Variants in SMARCC1 observed in about 807,000 individuals in gnomAD.
SMARCC1 encodes the protein SWI/SNF complex subunit SMARCC1.
In SMARCC1, 43 loss-of-function variants were observed where a neutral mutation model predicts 147.4. The ratio of observed to expected loss-of-function variants is 0.29; its 90% CI spans 0.23 to 0.38. The LOEUF (loss-of-function observed/expected upper bound fraction) is 0.38. SMARCC1 is among the 10% of genes least tolerant of loss of function. The pLI is 1.00. For synonymous variants in SMARCC1, 495 were observed against 484.4 expected (o/e 1.02, Z -0.29); for missense variants, 1,119 against 1,381.1 (o/e 0.81, Z 3.01).
At chr3:47,708,076 T>G in intron 9 of SMARCC1, among the ~76,000 whole-genome samples, 1 of 82,742 alleles carries the variant, frequency 1.2e-5, no homozygotes, top group Non-Finnish European at 2.5e-5. Flanking sequence ...GAAGTTGAAT[T>G]TTTTTTCTTT....
chr3:47,645,466 G>A (rs1479793284), intron 21 of SMARCC1, among the ~76,000 whole-genome samples: 2 of 152,186 alleles, frequency 1.3e-5, no homozygotes, highest in East Asian at 3.8e-4. Flanking sequence ...GATGGCTTGG[G>A]CCTAAGAGTT....
At chr3:47,765,672 A>G (rs1286974166) in intron 2 of SMARCC1, among the ~76,000 whole-genome samples, 1 of 152,126 alleles carries the variant, frequency 6.6e-6, no homozygotes, top group Non-Finnish European at 1.5e-5. Context: ...AAATTCATAC[A>G]ACAGCAGAGT....
At chr3:47,635,422 A>C in intron 23 of SMARCC1, 78 bp from the exon 24 acceptor site, 1 of 1,186,814 alleles carries the variant, frequency 8.4e-7, no homozygotes, top group African/African-American at 1.5e-5. Flanking sequence ...CACCACTATA[A>C]CAAACTAGGA....
intron 25 of SMARCC1, among the ~76,000 whole-genome samples, chr3:47,617,714 G>A (rs757245520): frequency 5.3e-4 from 81 of 152,104 alleles, no homozygotes; most frequent in Non-Finnish European, 1.0e-3. Context: ...CAAAATGAGC[G>A]GGTGGCATTT....
At chr3:47,680,195 C>A in intron 15 of SMARCC1, 2 of 388,692 alleles carry the variant, frequency 5.1e-6, no homozygotes, top group East Asian at 6.3e-5. Context: ...GCACAACAGC[C>A]TGGGCAACAG....
chr3:47,712,981 T>C (rs1369281334), intron 8 of SMARCC1, among the ~76,000 whole-genome samples: 1 of 152,158 alleles, frequency 6.6e-6, no homozygotes, highest in East Asian at 1.9e-4. Context: ...CCTTTACTAT[T>C]AGATGATAGT....
intron 5 of SMARCC1, among the ~76,000 whole-genome samples, chr3:47,735,604 T>C (rs1338480059): frequency 1.3e-5 from 2 of 152,050 alleles, no homozygotes; most frequent in African/African-American, 2.4e-5. Context: ...ACCCCACCTC[T>C]ACGAAAAATA....
chr3:47,680,398 A>T, intron 15 of SMARCC1, 39 bp downstream of exon 15: 1 of 1,425,680 alleles, frequency 7.0e-7, no homozygotes, highest in Non-Finnish European at 9.9e-7. Context: ...CCTACCGCAC[A>T]CAGGCAAATA....
At chr3:47,729,706 ATTAC>A (rs1395758809) in intron 5 of SMARCC1, among the ~76,000 whole-genome samples, 2 of 152,146 alleles carry the variant, frequency 1.3e-5, no homozygotes, top group African/African-American at 4.8e-5. Flanking sequence ...ACTTCTTAAA[ATTAC>A]TTCCAAAGTC....
intron 21 of SMARCC1, among the ~76,000 whole-genome samples, chr3:47,649,978 T>C (rs1240820570): frequency 6.6e-6 from 1 of 152,184 alleles, no homozygotes; most frequent in Non-Finnish European, 1.5e-5. Context: ...GTCTTCAACC[T>C]ACTTTGAAAT....
chr3:47,769,003 A>T, intron 2 of SMARCC1, among the ~76,000 whole-genome samples: 1 of 151,886 alleles, frequency 6.6e-6, no homozygotes, highest in South Asian at 2.1e-4. Flanking sequence ...TGAGGTCAGG[A>T]GTTCAAGACC....
chr3:47,754,885 A>C (rs1366252239), intron 2 of SMARCC1, among the ~76,000 whole-genome samples: 1 of 152,006 alleles, frequency 6.6e-6, no homozygotes, highest in Non-Finnish European at 1.5e-5. Context: ...TCTACTAAAA[A>C]TAGAAAAATT....
chr3:47,589,528 A>G (rs113800429), intron 27 of SMARCC1, among the ~76,000 whole-genome samples: 1 of 152,228 alleles, frequency 6.6e-6, no homozygotes, highest in Non-Finnish European at 1.5e-5. Flanking sequence ...CTTGCCAAGA[A>G]AAAGAGGTAC....
intron 21 of SMARCC1, among the ~76,000 whole-genome samples, chr3:47,660,328 C>A (rs931327769): frequency 6.6e-6 from 1 of 151,560 alleles, no homozygotes; most frequent in African/African-American, 2.4e-5. Flanking sequence ...CGCCTGTAGT[C>A]CCAGCTACTC....
chr3:47,644,981 A>G lies in SMARCC1; in HGVS notation c.2321-6201T>C, dbSNP rs771729483. Among the ~76,000 whole-genome samples, 5 of 152,048 alleles carry G rather than the reference A, an allele frequency of 3.3e-5. No individual in the cohort carries two copies. In the East Asian group the frequency reaches 7.7e-4, roughly 23 times the overall value. ...AGTCAACCCAATCTTGACTTTCTTCACTCTCTCACCTTCCAATAGCAATTA... is the reference window on the plus strand; with the variant it reads ...AGTCAACCCAATCTTGACTTTCTTCGCTCTCTCACCTTCCAATAGCAATTA... On this transcript the variant is annotated intron_variant, in intron 21 of 27. Transcript: ENST00000254480.
intron 18 of SMARCC1, among the ~76,000 whole-genome samples, chr3:47,671,962 T>C (rs1011522550): frequency 6.6e-6 from 1 of 151,794 alleles, no homozygotes; most frequent in Admixed American, 6.6e-5. Flanking sequence ...AAAACAAAAA[T>C]AAAACAACAA....
chr3:47,601,561 T>C (rs2032386532), intron 26 of SMARCC1, among the ~76,000 whole-genome samples: 1 of 152,142 alleles, frequency 6.6e-6, no homozygotes, highest in African/African-American at 2.4e-5. Flanking sequence ...GACTGGGCCC[T>C]CACTGTTCTC....
chr3:47,588,406 G>C, intron 27 of SMARCC1, 100 bp from the exon 28 acceptor site: 1 of 1,099,950 alleles, frequency 9.1e-7, no homozygotes, highest in South Asian at 1.4e-5. Context: ...CCTTTCCTTA[G>C]TGGCAGGCAA....
chr3:47,711,191 G>T (rs1393611453), intron 8 of SMARCC1, among the ~76,000 whole-genome samples: 1 of 152,138 alleles, frequency 6.6e-6, no homozygotes, highest in African/African-American at 2.4e-5. Flanking sequence ...TCTAAGTGTT[G>T]ATGACAGAGC....
Sources: gnomAD v4.1 joint callset for allele counts (sites outside exome capture counted in the v4.1 genomes callset) on GRCh38, gnomAD v4.1.1 for gene constraint, MANE v1.5 for transcripts, NCBI Gene and HGNC (gene_info 2026-07-23, HGNC 2026-07-21) for gene names.